AGAP1: variants seen among roughly 807,000 people sequenced by gnomAD.
The protein encoded by AGAP1 is arf-GAP with GTPase, ANK repeat and PH domain-containing protein 1.
In AGAP1, 29 loss-of-function variants were observed where a neutral mutation model predicts 105.3. That is an observed-to-expected ratio of 0.28 (90% CI 0.21 to 0.38). The LOEUF (loss-of-function observed/expected upper bound fraction) is 0.38, where lower values mean the gene tolerates loss of function less well. Ranked by LOEUF, AGAP1 falls within the 10% of genes least tolerant of loss-of-function variation. The pLI, the probability that AGAP1 is intolerant of heterozygous loss-of-function variation, is 1.00. For synonymous variants in AGAP1, 509 were observed against 485.9 expected, an observed-to-expected ratio of 1.05 and a Z score of -0.63; for missense variants, 998 against 1,165.1, an observed-to-expected ratio of 0.86 and a Z score of 2.09.
intron 1 of AGAP1, among the ~76,000 whole-genome samples, chr2:235,667,323 A>G (rs1948158205): frequency 6.6e-6 from 1 of 152,180 alleles, no homozygotes; most frequent in African/African-American, 2.4e-5. Context: ...TAAGTCTGTG[A>G]AAGTTTGCTA....
rs2054655576 is a variant in AGAP1 at position 235,971,760 on chromosome 2, T to TA, written c.1645+3138dup. Among the ~76,000 whole-genome samples the TA allele has an allele frequency of 6.7e-6, 1 of 149,386 alleles. No homozygotes were observed. The highest frequency in any genetic ancestry group is 1.5e-5 in the Non-Finnish European group (1 of 67,516). On this transcript the variant is annotated intron_variant, in intron 13 of 17. Transcript: ENST00000304032. This position sits in a 1 kb window ranked among gnomAD's most constrained non-coding sequence, Gnocchi z 4.8. The stretch of plus-strand genomic sequence containing the variant: ...GTTTTATTTTATTTATTTATTTATT[T>TA]ATTTATTTATTTATTTATTTATTTA...
rs114591684 is a variant in AGAP1 at position 235,906,570 on chromosome 2, G to T, written c.1156-2168G>T. Among the ~76,000 whole-genome samples the T allele has an allele frequency of 2.0e-5, 3 of 152,082 alleles. No individual in the cohort carries two copies. The highest frequency in any genetic ancestry group is 7.2e-5 in the African/African-American group (3 of 41,404). On this transcript the variant is annotated intron_variant, in intron 10 of 17. Coordinates refer to ENST00000304032, the MANE Select transcript of AGAP1 (RefSeq NM_001037131.3). This position sits in a 1 kb window ranked among gnomAD's most constrained non-coding sequence, Gnocchi z 5.3. ...AGGTTCTCCTCCCGCCCGTCCTGCCGTTGAGAATTCCTGCACCCTTTTCCC... is the reference window on the plus strand; with the variant it reads ...AGGTTCTCCTCCCGCCCGTCCTGCCTTTGAGAATTCCTGCACCCTTTTCCC...
rs528831622 is a variant in AGAP1, at chr2:235,545,690, C to T, written c.163+50841C>T. Among the ~76,000 whole-genome samples the T allele has an allele frequency of 7.0e-4, 107 of 152,284 alleles. 1 individual carries two copies. The highest frequency in any genetic ancestry group is 9.6e-4 in the African/African-American group (40 of 41,536). On this transcript the variant is annotated intron_variant, in intron 1 of 17. Coordinates refer to ENST00000304032, the MANE Select transcript of AGAP1 (RefSeq NM_001037131.3). Reference sequence around the variant, plus strand: ...AACACGTATTGCCCCTGTGCTCCCCCGGATTACTTGGCTGGAGTCCTCTTT... The same window carrying T: ...AACACGTATTGCCCCTGTGCTCCCCTGGATTACTTGGCTGGAGTCCTCTTT...
chr2:235,583,015 A>G (rs1225666029), intron 1 of AGAP1, among the ~76,000 whole-genome samples: 4 of 152,312 alleles, frequency 2.6e-5, no homozygotes, highest in African/African-American at 7.2e-5. Flanking sequence ...ATAGTTCCCT[A>G]GTAAACTGGC....
intron 13 of AGAP1, among the ~76,000 whole-genome samples, chr2:235,998,001 C>G (rs2055892228): frequency 6.6e-6 from 1 of 152,024 alleles, no homozygotes; most frequent in Non-Finnish European, 1.5e-5. Context: ...GAAAGTGGAC[C>G]CCAGGCATTT....
chr2:235,560,550 A>G (rs1023905943), intron 1 of AGAP1, among the ~76,000 whole-genome samples: 5 of 152,216 alleles, frequency 3.3e-5, no homozygotes, highest in Non-Finnish European at 7.3e-5. Flanking sequence ...AGTACTTAAA[A>G]GTAGAAGAGG....
Position 235,893,551 on chromosome 2 carries a change from TGCCGTGTCCATCATGAGGGTGC to T in AGAP1, c.1155+10112_1155+10133del, listed in dbSNP as rs1390483333. Among the ~76,000 whole-genome samples the T allele has an allele frequency of 2.0e-5, 3 of 152,122 alleles. No individual in the cohort carries two copies. Among genetic ancestry groups the T allele is most frequent in the African/African-American group, 7.2e-5 (3 of 41,420 alleles). Reference sequence around the variant, plus strand: ...GTGCACCATGTCTGTGGTGCGGGTGTGCCGTGTCCATCATGAGGGTGCGCCGTGTCCGTCATGCAGATGTGCC... The same window carrying T: ...GTGCACCATGTCTGTGGTGCGGGTGTGCCGTGTCCGTCATGCAGATGTGCC... On this transcript the variant is annotated intron_variant, in intron 10 of 17. Coordinates refer to ENST00000304032, the MANE Select transcript of AGAP1 (RefSeq NM_001037131.3). The surrounding 1 kb of genome is among the most constrained non-coding windows in gnomAD (Gnocchi z 4.7).
Position 235,639,547 on chromosome 2 carries a change from C to G in AGAP1, c.164-69632C>G, listed in dbSNP as rs1331667404. ...AGATGTGGAAACATCGTGGGATGAT[C>G]TCATGGTGGGTGGGACTTGTCGCCG... is the stretch of plus-strand genomic sequence containing the variant. On this transcript the variant is annotated intron_variant, in intron 1 of 17. Coordinates refer to ENST00000304032, the MANE Select transcript of AGAP1 (RefSeq NM_001037131.3). This position sits in a 1 kb window ranked among gnomAD's most constrained non-coding sequence, Gnocchi z 5.3. Among the ~76,000 whole-genome samples, 1 of 152,136 alleles carries G rather than the reference C, an allele frequency of 6.6e-6. No individual in the cohort carries two copies. The highest frequency in any genetic ancestry group is 2.4e-5 in the African/African-American group (1 of 41,432).
intron 3 of AGAP1, among the ~76,000 whole-genome samples, chr2:235,722,353 T>G (rs1337951083): frequency 6.6e-6 from 1 of 152,242 alleles, no homozygotes; most frequent in African/African-American, 2.4e-5. Context: ...GTTGTTCTGA[T>G]TTAATTAGTG....
At chr2:236,007,973 C>T (rs142597699) in intron 13 of AGAP1, among the ~76,000 whole-genome samples, 1 of 152,358 alleles carries the variant, frequency 6.6e-6, no homozygotes, top group African/African-American at 2.4e-5. Flanking sequence ...GAAAGAGGTG[C>T]ATTTTACTCC....
chr2:236,085,088 C>T (rs1449940545), intron 16 of AGAP1, among the ~76,000 whole-genome samples: 6 of 151,362 alleles, frequency 4.0e-5, no homozygotes, highest in Non-Finnish European at 8.8e-5. Flanking sequence ...TGGTGGTGTG[C>T]GCCTGTAATC....
At chr2:235,895,770 A>G (rs1177254503) in intron 10 of AGAP1, among the ~76,000 whole-genome samples, 1 of 151,964 alleles carries the variant, frequency 6.6e-6, no homozygotes, top group African/African-American at 2.4e-5. Flanking sequence ...CAATTAGCCC[A>G]TATGCTTAAC....
intron 1 of AGAP1, among the ~76,000 whole-genome samples, chr2:235,636,950 C>T (rs905204663): frequency 6.6e-6 from 1 of 152,054 alleles, no homozygotes; most frequent in Non-Finnish European, 1.5e-5. Context: ...ACCAGACAGC[C>T]GCCAGAAGCC....
At chr2:235,526,974 G>A (rs866642413) in intron 1 of AGAP1, among the ~76,000 whole-genome samples, 1 of 152,154 alleles carries the variant, frequency 6.6e-6, no homozygotes, top group Admixed American at 6.5e-5. Flanking sequence ...TGGGGTGGAG[G>A]CATTCTAGTC....
At chr2:236,026,638 A>C (rs2057064546) in intron 13 of AGAP1, among the ~76,000 whole-genome samples, 1 of 152,202 alleles carries the variant, frequency 6.6e-6, no homozygotes, top group Non-Finnish European at 1.5e-5. Context: ...CTGAGGCAGG[A>C]GAATCACTTG....
chr2:236,020,601 C>T lies in AGAP1; in HGVS notation c.1646-15960C>T, dbSNP rs574002705. On this transcript the variant is annotated intron_variant, in intron 13 of 17. Transcript: ENST00000304032. The surrounding 1 kb of genome is among the most constrained non-coding windows in gnomAD (Gnocchi z 5.0). The stretch of plus-strand genomic sequence containing the variant: ...CCTTCCTCTCTGTTCTTTTCTTCCT[C>T]GCATGCAGACAATAAAACCTACCTT... 2.0e-5 allele frequency among the ~76,000 whole-genome samples: 3 copies of T among 152,204 alleles called. No individual in the cohort carries two copies. Among genetic ancestry groups the T allele is most frequent in the Admixed American group, 6.5e-5 (1 of 15,290 alleles).
chr2:235,666,333 AT>A (rs952253079), intron 1 of AGAP1, among the ~76,000 whole-genome samples: 2 of 151,624 alleles, frequency 1.3e-5, no homozygotes, highest in East Asian at 1.9e-4. Flanking sequence ...TAGTATTGTG[AT>A]TTTTTTTTCC....
chr2:235,530,860 C>T (rs1234983082), intron 1 of AGAP1, among the ~76,000 whole-genome samples: 1 of 152,136 alleles, frequency 6.6e-6, no homozygotes, highest in African/African-American at 2.4e-5. Flanking sequence ...GTGGTGTCTG[C>T]CCACCTCAGT....
intron 6 of AGAP1, among the ~76,000 whole-genome samples, chr2:235,794,625 C>T (rs1435693785): frequency 2.0e-5 from 3 of 152,186 alleles, no homozygotes; most frequent in Non-Finnish European, 4.4e-5. Flanking sequence ...GCATGCGCCA[C>T]CACATCCGGC....
Sources: allele counts gnomAD v4.1 joint callset (sites outside exome capture counted in the v4.1 genomes callset), GRCh38; gene constraint gnomAD v4.1.1; non-coding constraint Gnocchi (gnomAD v3.1); transcripts MANE v1.5; gene names NCBI Gene and HGNC (gene_info 2026-07-23, HGNC 2026-07-21).